Variants in CASZ1 observed in about 807,000 individuals in gnomAD.
CASZ1 encodes the protein castor zinc finger 1.
Under a neutral mutation model 135.2 loss-of-function variants are expected in CASZ1, and 28 were observed. The observed-to-expected ratio is 0.21, with a 90% CI of 0.15 to 0.28. The LOEUF (loss-of-function observed/expected upper bound fraction) is 0.28, where lower values mean the gene tolerates loss of function less well. Among genes scored for constraint, CASZ1 ranks in the 10% least tolerant of loss-of-function variants. The pLI is 1.00. For synonymous variants in CASZ1, 1,068 were observed against 1,073.4 expected (o/e 0.99, Z 0.10); for missense variants, 2,161 against 2,453.3 (o/e 0.88, Z 2.52).
In CASZ1 at chr1:10,646,089, C is replaced by T; in HGVS notation, c.3696+39G>A. On this transcript the variant is annotated intron_variant, in intron 17 of 20. Coordinates refer to ENST00000377022, the MANE Select transcript of CASZ1 (RefSeq NM_001079843.3). This position sits in a 1 kb window ranked among gnomAD's most constrained non-coding sequence, Gnocchi z 6.4. Reference sequence around the variant, plus strand: ...CTGAGCTAGCCCTGCACCTCCCTGCCCCCTACTCTGCCCCTGCGCCGTGTA... The same window carrying T: ...CTGAGCTAGCCCTGCACCTCCCTGCTCCCTACTCTGCCCCTGCGCCGTGTA... The T allele has an allele frequency of 8.1e-6, 13 of 1,600,418 alleles. No individual in the cohort carries two copies. Among genetic ancestry groups the T allele is most frequent in the Non-Finnish European group, 1.1e-5 (13 of 1,168,844 alleles).
rs954182192 is a variant in CASZ1 at position 10,757,180 on chromosome 1, G to T, written c.-77+3521C>A. Among the ~76,000 whole-genome samples the T allele has an allele frequency of 2.0e-5, 3 of 152,164 alleles. No individual in the cohort carries two copies. Among genetic ancestry groups the T allele is most frequent in the Non-Finnish European group, 4.4e-5 (3 of 68,028 alleles). ...GCACTTCTCCCCTAATGCATGAGAC[G>T]TTAACCCTCTCAAAGCCATGGGTCT... On this transcript the variant is annotated intron_variant, in intron 2 of 20. Transcript: ENST00000377022. This position sits in a 1 kb window ranked among gnomAD's most constrained non-coding sequence, Gnocchi z 4.6.
chr1:10,756,458 G>A lies in CASZ1; in HGVS notation c.-77+4243C>T, dbSNP rs1054538680. On this transcript the variant is annotated intron_variant, in intron 2 of 20. Coordinates refer to ENST00000377022, the MANE Select transcript of CASZ1 (RefSeq NM_001079843.3). This position sits in a 1 kb window ranked among gnomAD's most constrained non-coding sequence, Gnocchi z 5.9. ...AAGTGCTCACGCGAGCCCGGCAGCC[G>A]GCTGTGACAGCTTCACGCTCGCCAA... 4.2e-4 allele frequency among the ~76,000 whole-genome samples: 64 copies of A among 152,374 alleles called. No individual in the cohort carries two copies. The highest frequency in any genetic ancestry group is 1.2e-3 in the African/African-American group (49 of 41,598).
In CASZ1 at chr1:10,676,376, C is replaced by G. The variant is rs575151021; in HGVS notation, c.17-10805G>C. On this transcript the variant is annotated intron_variant, in intron 4 of 20. Coordinates refer to ENST00000377022, the MANE Select transcript of CASZ1 (RefSeq NM_001079843.3). This position sits in a 1 kb window ranked among gnomAD's most constrained non-coding sequence, Gnocchi z 4.5. Reference sequence around the variant, plus strand: ...GTCCTTCCTCTCCAAGGAGAGCCACCACAGAAGCAAAGCTCTCACTCCATC... The same window carrying G: ...GTCCTTCCTCTCCAAGGAGAGCCACGACAGAAGCAAAGCTCTCACTCCATC... Among the ~76,000 whole-genome samples the G allele has an allele frequency of 1.3e-5, 2 of 152,206 alleles. No homozygotes were observed. The highest frequency in any genetic ancestry group is 2.9e-5 in the Non-Finnish European group (2 of 68,020).
chr1:10,695,956 T>G (rs1638925076), intron 3 of CASZ1, among the ~76,000 whole-genome samples: 1 of 152,056 alleles, frequency 6.6e-6, no homozygotes, highest in Non-Finnish European at 1.5e-5. Flanking sequence ...CCAGCGCTCC[T>G]CTTTCAGGAG....
chr1:10,658,338 G>C (rs375219860), intron 7 of CASZ1, 170 bp downstream of exon 7: 1 of 611,936 alleles, frequency 1.6e-6, no homozygotes, highest in Non-Finnish European at 3.0e-6. Context: ...GCTCCCAAAC[G>C]GGCGTGCAGG....
At position 10,654,401 on chromosome 1, in the gene CASZ1, C is replaced by G; in HGVS notation, c.1838+18G>C. 1 of 1,610,490 alleles carries G rather than the reference C, an allele frequency of 6.2e-7. No individual in the cohort carries two copies. Among genetic ancestry groups the G allele is most frequent in the Non-Finnish European group, 8.5e-7 (1 of 1,177,576 alleles). On this transcript the variant is annotated intron_variant, in intron 10 of 20. Transcript: ENST00000377022. Reference sequence around the variant, plus strand: ...CCCCGCTTCTGCCCACGAAGGCCCCCACCAGGCTCCCGCTTACCTGCAGTG... The same window carrying G: ...CCCCGCTTCTGCCCACGAAGGCCCCGACCAGGCTCCCGCTTACCTGCAGTG...
At chr1:10,771,431 C>T (rs1640574535) in intron 1 of CASZ1, among the ~76,000 whole-genome samples, 1 of 151,948 alleles carries the variant, frequency 6.6e-6, no homozygotes, top group Non-Finnish European at 1.5e-5. Context: ...GGGTTGGTTT[C>T]GGGTACTTCT....
rs201486770 is a variant in CASZ1, at chr1:10,655,639, C to T, written c.1665+10G>A. On this transcript the variant is annotated intron_variant, in intron 9 of 20. Coordinates refer to ENST00000377022, the MANE Select transcript of CASZ1 (RefSeq NM_001079843.3). ...TGCAGCTGCCCAGTGGGCCCGGGTG[C>T]GGGAGGCACCTGCATGCAGTGATAG... 5.1e-5 allele frequency: 82 copies of T among 1,607,262 alleles called. No individual in the cohort carries two copies. The Admixed American group carries it at 8.9e-4, about 17-fold the overall frequency.
chr1:10,794,144 T>C lies in CASZ1; in HGVS notation c.-234+2420A>G, dbSNP rs145479984. 3.3e-5 allele frequency among the ~76,000 whole-genome samples: 5 copies of C among 151,312 alleles called. No homozygotes were observed. The highest frequency in any genetic ancestry group is 9.7e-5 in the African/African-American group (4 of 41,330). On this transcript the variant is annotated intron_variant, in intron 1 of 20. Coordinates refer to ENST00000377022, the MANE Select transcript of CASZ1 (RefSeq NM_001079843.3). The surrounding 1 kb of genome is among the most constrained non-coding windows in gnomAD (Gnocchi z 5.6). Reference sequence around the variant, plus strand: ...CCTTTAGGACGGCGACGTGTGTGTGTGCGCGTGTGTGTGCGTGTTTGTATG... The same window carrying C: ...CCTTTAGGACGGCGACGTGTGTGTGCGCGCGTGTGTGTGCGTGTTTGTATG...
At chr1:10,671,032 T>TG (rs1264515581) in intron 4 of CASZ1, among the ~76,000 whole-genome samples, 2 of 152,216 alleles carry the variant, frequency 1.3e-5, no homozygotes, top group Non-Finnish European at 2.9e-5. Context: ...CCAACTTGGG[T>TG]GGGGGGCATG....
At chr1:10,763,408 C>T (rs1006968210) in intron 1 of CASZ1, among the ~76,000 whole-genome samples, 2 of 152,296 alleles carry the variant, frequency 1.3e-5, no homozygotes, top group African/African-American at 4.8e-5. Context: ...ACCAGCCAGA[C>T]GGAGACGATG....
chr1:10,678,588 C>T (rs1348248498), intron 4 of CASZ1, among the ~76,000 whole-genome samples: 3 of 151,976 alleles, frequency 2.0e-5, no homozygotes, highest in Admixed American at 1.3e-4. Flanking sequence ...CCCTGGGCCG[C>T]GCCGGCTCGC....
chr1:10,783,885 A>AC (rs1050552390), intron 1 of CASZ1, among the ~76,000 whole-genome samples: 4 of 151,540 alleles, frequency 2.6e-5, no homozygotes, highest in African/African-American at 4.8e-5. Context: ...AAAAAAAAAA[A>AC]AAAAAAAACC....
chr1:10,764,116 GC>G (rs1288893061), intron 1 of CASZ1, among the ~76,000 whole-genome samples: 3 of 152,206 alleles, frequency 2.0e-5, no homozygotes, highest in Non-Finnish European at 2.9e-5. Context: ...GCCTGCCTTG[GC>G]CTTCCAAAGT....
chr1:10,760,425 A>G (rs1640350997), intron 2 of CASZ1, among the ~76,000 whole-genome samples: 1 of 152,260 alleles, frequency 6.6e-6, no homozygotes, highest in African/African-American at 2.4e-5. Context: ...TAACCTCTTC[A>G]TTTCACGGGT....
At chr1:10,729,822 T>A (rs1010838176) in intron 2 of CASZ1, among the ~76,000 whole-genome samples, 7 of 152,332 alleles carry the variant, frequency 4.6e-5, no homozygotes, top group Non-Finnish European at 5.9e-5. Context: ...TTTTATTTTT[T>A]TTTTTATTTT....
intron 1 of CASZ1, among the ~76,000 whole-genome samples, chr1:10,789,016 T>G (rs556884317): frequency 6.6e-6 from 1 of 152,160 alleles, no homozygotes; most frequent in Non-Finnish European, 1.5e-5. Flanking sequence ...AAGGGGACAG[T>G]AAGGGGGAGC....
At chr1:10,675,665 C>T (rs1643544975) in intron 4 of CASZ1, among the ~76,000 whole-genome samples, 1 of 152,128 alleles carries the variant, frequency 6.6e-6, no homozygotes, top group South Asian at 2.1e-4. Flanking sequence ...CCACTCTGGG[C>T]TCCTCTCCCA....
At chr1:10,682,335 G>A (rs563560083) in intron 4 of CASZ1, among the ~76,000 whole-genome samples, 72 of 152,228 alleles carry the variant, frequency 4.7e-4, no homozygotes, top group African/African-American at 1.7e-3. Context: ...TGAAGTGGGA[G>A]AGGCAGAGGG....
Sources: allele counts gnomAD v4.1 joint callset (sites outside exome capture counted in the v4.1 genomes callset), GRCh38; gene constraint gnomAD v4.1.1; non-coding constraint Gnocchi (gnomAD v3.1); transcripts MANE v1.5; gene names NCBI Gene and HGNC (gene_info 2026-07-23, HGNC 2026-07-21).